Variants in ADSS1 observed in about 807,000 individuals in gnomAD.
ADSS1 encodes adenylosuccinate synthase 1.
Under a neutral mutation model 59.1 loss-of-function variants are expected in ADSS1, and 57 were observed. The observed-to-expected ratio is 0.97, with a 90% CI of 0.78 to 1.20. The LOEUF is 1.20. ADSS1 is among the 50% of genes most tolerant of loss of function. The pLI is 0.00. For synonymous variants in ADSS1, 247 were observed against 249.4 expected (o/e 0.99, Z 0.09); for missense variants, 603 against 610.3 (o/e 0.99, Z 0.13).
Position 104,743,202 on chromosome 14 carries a change from C to A in ADSS1, c.1073+11C>A, listed in dbSNP as rs370012799. ...CAACGGATTCACTGCGTAAGCAACCCATGCTGCCATCCCCACTGGGACCGT... is the reference window on the plus strand; with the variant it reads ...CAACGGATTCACTGCGTAAGCAACCAATGCTGCCATCCCCACTGGGACCGT... On this transcript the variant is annotated intron_variant, in intron 10 of 12. Transcript: ENST00000330877. The A allele has an allele frequency of 3.5e-4, 557 of 1,608,590 alleles. No individual in the cohort carries two copies. The highest frequency in any genetic ancestry group is 4.6e-4 in the Non-Finnish European group (540 of 1,179,644).
At position 104,732,469 on chromosome 14, in the gene ADSS1, C is replaced by T. The variant is rs1367060668; in HGVS notation, c.193-2551C>T. ...AGAACTGGGAGCCCCTGCGGATCAG[C>T]AGGCCCCAGGCTCAGCGTCCTGAGC... is the stretch of plus-strand genomic sequence containing the variant. On this transcript the variant is annotated intron_variant, in intron 1 of 12. Coordinates refer to ENST00000330877, the MANE Select transcript of ADSS1 (RefSeq NM_152328.5). Among the ~76,000 whole-genome samples, 3 of 152,206 alleles carry T rather than the reference C, an allele frequency of 2.0e-5. No individual in the cohort carries two copies. The East Asian group carries it at 5.8e-4, about 29-fold the overall frequency.
At chr14:104,738,339 C>T in intron 2 of ADSS1, 37 bp from the exon 3 acceptor site, 2 of 1,610,288 alleles carry the variant, frequency 1.2e-6, no homozygotes, top group Non-Finnish European at 1.7e-6. Flanking sequence ...GTGTCTGGGA[C>T]ACAACTCTGT....
chr14:104,735,944 G>A (rs1891104148), intron 2 of ADSS1, among the ~76,000 whole-genome samples: 1 of 152,200 alleles, frequency 6.6e-6, no homozygotes, highest in South Asian at 2.1e-4. Flanking sequence ...ACTTCAGCAA[G>A]GCCATCCTTG....
chr14:104,741,973 A>G lies in ADSS1; in HGVS notation c.919A>G (p.Ile307Val). ...GAAAGCCTATACCACACGTGTGGGC[A>G]TCGGGGCCTTCCCCACCGAGCAGAT... Reference protein sequence around the residue: ...VVKAYTTRVGIGAFPTEQINE... With the variant: ...VVKAYTTRVGVGAFPTEQINE... Residue 307 changes from isoleucine (I) to valine (V), a missense_variant, in exon 9 of 13, where the codon ATC (isoleucine) becomes GTC (valine). Transcript: ENST00000330877. 3.7e-6 allele frequency: 6 copies of G among 1,612,578 alleles called. No homozygotes were observed. In the South Asian group the frequency reaches 5.5e-5, roughly 15 times the overall value.
In ADSS1 at chr14:104,746,356, G is replaced by A. The variant is rs199906965; in HGVS notation, c.1292G>A (p.Arg431His). 4.2e-5 allele frequency: 68 copies of A among 1,613,128 alleles called. 1 individual carries two copies. Among genetic ancestry groups the A allele is most frequent in the South Asian group, 2.4e-4 (22 of 91,056 alleles). The change falls in exon 12 of 13, where the codon CGC (arginine) becomes CAC (histidine). Residue 431 changes from arginine (R) to histidine (H), a missense_variant. Coordinates refer to ENST00000330877, the MANE Select transcript of ADSS1 (RefSeq NM_152328.5). ...DLPPQAQNYI[R>H]FVENHVGVAV... ...CCCCCACAGGCCCAGAACTACATCC[G>A]CTTTGTGGAGAATCACGTGGGAGTC...
Position 104,744,854 on chromosome 14 carries a change from G to T in ADSS1, c.1116G>T (p.Glu372Asp), listed in dbSNP as rs763819915. 6.2e-7 allele frequency: 1 copy of T among 1,614,194 alleles called. No individual in the cohort carries two copies. The highest frequency in any genetic ancestry group is 1.7e-5 in the Admixed American group (1 of 60,030). Residue 372 changes from glutamate to aspartate, a missense_variant, in exon 11 of 13, where the codon GAG becomes GAT. Transcript: ENST00000330877. ...TKLDILDVLG[E>D]VKVGVSYKLN... ...TGGACATCCTGGACGTACTGGGTGA[G>T]GTTAAAGTCGGTGTCTCATACAAGC... is the stretch of plus-strand genomic sequence containing the variant.
At chr14:104,735,186 C>A in intron 2 of ADSS1, 64 bp downstream of exon 2, 1 of 1,451,502 alleles carries the variant, frequency 6.9e-7, no homozygotes, top group Non-Finnish European at 9.5e-7. Context: ...CCAGGAGCCC[C>A]ACGCATGGGG....
chr14:104,735,225 T>G, intron 2 of ADSS1, 103 bp downstream of exon 2: 2 of 1,084,780 alleles, frequency 1.8e-6, no homozygotes, highest in South Asian at 2.9e-5. Context: ...TGGTGATGAC[T>G]GCTCTAGCAG....
intron 1 of ADSS1, 28 bp from the exon 2 acceptor site, chr14:104,734,992 C>T: frequency 2.5e-6 from 4 of 1,606,180 alleles, no homozygotes; most frequent in Non-Finnish European, 3.4e-6. Context: ...ACCCAAGTGC[C>T]TTCAGCTCAG....
At chr14:104,741,793 T>C in intron 8 of ADSS1, 55 bp from the exon 9 acceptor site, 1 of 1,595,986 alleles carries the variant, frequency 6.3e-7, no homozygotes, top group Non-Finnish European at 8.6e-7. Flanking sequence ...TTGGGCCGGG[T>C]GGAATAATCT....
At position 104,747,136 on chromosome 14, in the gene ADSS1, C is replaced by T; in HGVS notation, c.*133C>T. On this transcript the variant is annotated 3_prime_UTR_variant, in exon 13 of 13. Transcript: ENST00000330877. ...TTTTCTGTACTTTTATATTTCTGTT[C>T]AACCTGTTGGTTTCTACAATGATTT... 1 of 751,562 alleles carries T rather than the reference C, an allele frequency of 1.3e-6. No homozygotes were observed. 46.6% of individuals were successfully genotyped at this position (751,562 alleles called of 1,614,324 possible).
At chr14:104,735,591 T>C (rs1354671083) in intron 2 of ADSS1, among the ~76,000 whole-genome samples, 2 of 152,174 alleles carry the variant, frequency 1.3e-5, no homozygotes, top group Non-Finnish European at 2.9e-5. Flanking sequence ...CATGTGGCCG[T>C]CCTCTTGCCT....
intron 2 of ADSS1, among the ~76,000 whole-genome samples, chr14:104,736,793 G>A (rs1891138624): frequency 6.6e-6 from 1 of 150,484 alleles, no homozygotes; most frequent in Admixed American, 6.6e-5. Context: ...CTGGCTCACT[G>A]CAGCCTCAAC....
intron 1 of ADSS1, among the ~76,000 whole-genome samples, chr14:104,730,548 G>A (rs1890883957): frequency 6.6e-6 from 1 of 152,142 alleles, no homozygotes; most frequent in South Asian, 2.1e-4. Context: ...TGGCAGCCCT[G>A]GAGACTATAG....
rs766015137 is a variant in ADSS1 at position 104,741,815 on chromosome 14, CAGGT to C, written c.794-30_794-27del. On this transcript the variant is annotated intron_variant, in intron 8 of 12. Transcript: ENST00000330877. ...GGGTGGAATAATCTACAGGGGGTGA[CAGGT>C]AGCCCCCTAAACCTGCTCTGTCTTG... is the stretch of plus-strand genomic sequence containing the variant. The C allele has an allele frequency of 1.3e-4, 204 of 1,609,956 alleles. No individual in the cohort carries two copies. In the Middle Eastern group the frequency reaches 3.6e-3, roughly 29 times the overall value.
chr14:104,743,353 G>A, intron 10 of ADSS1, 162 bp downstream of exon 10: 1 of 1,060,988 alleles, frequency 9.4e-7, no homozygotes, highest in South Asian at 1.5e-5. Flanking sequence ...GAGGTTAGCG[G>A]TATGGAGGCC....
intron 5 of ADSS1, 29 bp downstream of exon 5, chr14:104,739,845 G>C (rs547501351): frequency 6.2e-7 from 1 of 1,612,330 alleles, no homozygotes; most frequent in Non-Finnish European, 8.5e-7. Context: ...TCTCACCCTC[G>C]GGGAGTCTTC....
At position 104,739,364 on chromosome 14, in the gene ADSS1, A is replaced by G. The variant is rs1434150567; in HGVS notation, c.395A>G (p.Asp132Gly). Residue 132 changes from aspartate (D) to glycine (G), a missense_variant, in exon 4 of 13, where the codon GAC (aspartate) becomes GGC (glycine). Asp to Gly is a moderately conservative substitution (Grantham distance 94, BLOSUM62 -1). Transcript: ENST00000330877. Reference protein sequence around the residue: ...KDWEKRLIISDRAHLVFDFHQ... With the variant: ...KDWEKRLIISGRAHLVFDFHQ... ...TGGGAGAAGAGGCTCATCATCTCTG[A>G]CAGAGCCCACCTTGGTACGTTTCCC... is the stretch of plus-strand genomic sequence containing the variant. The G allele has an allele frequency of 6.2e-7, 1 of 1,607,258 alleles. No homozygotes were observed. Among genetic ancestry groups the G allele is most frequent in the South Asian group, 1.1e-5 (1 of 89,406 alleles).
chr14:104,740,716 A>G lies in ADSS1; in HGVS notation c.584+8A>G, dbSNP rs1253378618. The G allele has an allele frequency of 1.2e-6, 2 of 1,613,792 alleles. No individual in the cohort carries two copies. Among genetic ancestry groups the G allele is most frequent in the Non-Finnish European group, 1.7e-6 (2 of 1,179,896 alleles). On this transcript the variant is annotated splice_region_variant and intron_variant, in intron 6 of 12. Coordinates refer to ENST00000330877, the MANE Select transcript of ADSS1 (RefSeq NM_152328.5). This position sits in a 1 kb window ranked among gnomAD's most constrained non-coding sequence, Gnocchi z 4.8. ...TGATGAGTTTTCCTCCAGGTACCTG[A>G]GCCGTCTGCAGTCCCCGGGGAGGAT...
Sources: allele counts gnomAD v4.1 joint callset (sites outside exome capture counted in the v4.1 genomes callset), GRCh38; gene constraint gnomAD v4.1.1; non-coding constraint Gnocchi (gnomAD v3.1); transcripts MANE v1.5; gene names NCBI Gene and HGNC (gene_info 2026-07-23, HGNC 2026-07-21).